Variants in TENM4 observed in about 807,000 individuals in gnomAD.
TENM4 encodes the protein teneurin-4.
Under a neutral mutation model 243.3 loss-of-function variants are expected in TENM4, and 82 were observed. The observed-to-expected ratio is 0.34, with a 90% CI of 0.28 to 0.40. The LOEUF is 0.40. Ranked by LOEUF, TENM4 falls within the 10% of genes least tolerant of loss-of-function variation. TENM4 has a pLI of 1.00. For missense variants in TENM4, 3,138 were observed against 3,673.3 expected (o/e 0.85, Z 3.77); for synonymous variants, 1,412 against 1,456.3 (o/e 0.97, Z 0.69).
At position 78,661,423 on chromosome 11, in the gene TENM4, G is replaced by A. The variant is rs370376552; in HGVS notation, c.7551+26C>T. The A allele has an allele frequency of 1.4e-5, 22 of 1,597,688 alleles. No individual in the cohort carries two copies. In the African/African-American group the frequency reaches 2.1e-4, roughly 16 times the overall value. Reference sequence around the variant, plus strand: ...TCCAGTAATGTCTGAGTGGCCTGAGGAGTGGCAGCCTTGTGCAGGAATTAC... The same window carrying A: ...TCCAGTAATGTCTGAGTGGCCTGAGAAGTGGCAGCCTTGTGCAGGAATTAC... On this transcript the variant is annotated intron_variant, in intron 33 of 33. Transcript: ENST00000278550.
chr11:78,742,511 G>A (rs573684112), intron 19 of TENM4, among the ~76,000 whole-genome samples: 2 of 152,268 alleles, frequency 1.3e-5, no homozygotes, highest in African/African-American at 2.4e-5. Flanking sequence ...TAAAGCCAAC[G>A]TGAAATGCCC....
intron 12 of TENM4, among the ~76,000 whole-genome samples, chr11:78,819,492 C>G (rs1370293340): frequency 6.6e-6 from 1 of 152,114 alleles, no homozygotes; most frequent in African/African-American, 2.4e-5. Context: ...CTCACAGGGG[C>G]AGTAATATCA....
At chr11:79,413,175 T>C (rs1339489795) in intron 1 of TENM4, among the ~76,000 whole-genome samples, 1 of 151,898 alleles carries the variant, frequency 6.6e-6, no homozygotes, top group African/African-American at 2.4e-5. Flanking sequence ...GAAGTCAGAG[T>C]AAAAACACAC....
At chr11:79,324,681 T>A (rs1856945237) in intron 1 of TENM4, among the ~76,000 whole-genome samples, 1 of 152,156 alleles carries the variant, frequency 6.6e-6, no homozygotes, top group Admixed American at 6.5e-5. Context: ...TGTAGATGTA[T>A]ATATAGATAT....
intron 19 of TENM4, among the ~76,000 whole-genome samples, chr11:78,743,362 G>A (rs912646780): frequency 6.6e-6 from 1 of 152,146 alleles, no homozygotes; most frequent in African/African-American, 2.4e-5. Context: ...CATTGATCAC[G>A]GTTGATGGTC....
chr11:79,160,872 G>A (rs1862730673), intron 3 of TENM4, among the ~76,000 whole-genome samples: 1 of 152,120 alleles, frequency 6.6e-6, no homozygotes, highest in South Asian at 2.1e-4. Context: ...AGATTTCCCG[G>A]ATTCCCTTGC....
intron 1 of TENM4, among the ~76,000 whole-genome samples, chr11:79,321,594 C>T (rs1235518170): frequency 1.4e-5 from 2 of 142,324 alleles, no homozygotes; most frequent in Admixed American, 1.5e-4. Context: ...TCAAACAACT[C>T]GTCACTGGGT....
chr11:79,007,029 T>C (rs768964379), intron 6 of TENM4, among the ~76,000 whole-genome samples: 6 of 152,190 alleles, frequency 3.9e-5, no homozygotes, highest in Non-Finnish European at 8.8e-5. Flanking sequence ...GAGGAAACCC[T>C]GCAGCAGATG....
intron 6 of TENM4, among the ~76,000 whole-genome samples, chr11:78,952,482 C>A (rs909782017): frequency 3.9e-5 from 6 of 152,154 alleles, no homozygotes; most frequent in African/African-American, 1.4e-4. Context: ...AAGGGAGAGA[C>A]AGGGGCAGGG....
chr11:79,149,172 T>C (rs1004740948), intron 3 of TENM4, among the ~76,000 whole-genome samples: 3 of 152,078 alleles, frequency 2.0e-5, no homozygotes, highest in African/African-American at 7.2e-5. Context: ...GTACTGGGCA[T>C]ATAATGGAAA....
chr11:78,809,193 G>C (rs936270975), intron 14 of TENM4, among the ~76,000 whole-genome samples: 1 of 152,154 alleles, frequency 6.6e-6, no homozygotes, highest in Non-Finnish European at 1.5e-5. Flanking sequence ...TTAGGAACCA[G>C]CAAAGTGAAT....
intron 15 of TENM4, among the ~76,000 whole-genome samples, chr11:78,800,350 T>C (rs1044844948): frequency 3.3e-5 from 5 of 152,184 alleles, no homozygotes; most frequent in African/African-American, 1.2e-4. Flanking sequence ...ATGCCAGCTC[T>C]TGTCCAGGAG....
At chr11:78,726,372 T>A in intron 22 of TENM4, 150 bp from the exon 23 acceptor site, 3 of 907,976 alleles carry the variant, frequency 3.3e-6, no homozygotes, top group Non-Finnish European at 4.8e-6. Context: ...TGTGAAACAC[T>A]AACACAAGGT....
chr11:79,213,737 G>A (rs1331358764), intron 3 of TENM4, among the ~76,000 whole-genome samples: 1 of 152,176 alleles, frequency 6.6e-6, no homozygotes, highest in Non-Finnish European at 1.5e-5. Flanking sequence ...TTTAGATGGG[G>A]TGGAGGTCTA....
chr11:79,255,922 T>C (rs962709054), intron 2 of TENM4, among the ~76,000 whole-genome samples: 2 of 152,192 alleles, frequency 1.3e-5, no homozygotes, highest in African/African-American at 4.8e-5. Context: ...GGACAGTCTT[T>C]GCTCCTCCAG....
At chr11:79,166,954 G>A (rs1862928157) in intron 3 of TENM4, among the ~76,000 whole-genome samples, 1 of 152,224 alleles carries the variant, frequency 6.6e-6, no homozygotes. Flanking sequence ...AAGCAGGGGA[G>A]TGGAGGGTGG....
chr11:79,043,215 A>C (rs1470521151), intron 6 of TENM4, among the ~76,000 whole-genome samples: 1 of 152,092 alleles, frequency 6.6e-6, no homozygotes, highest in African/African-American at 2.4e-5. Flanking sequence ...AGATGGAAAC[A>C]CCTCAGAGGA....
At chr11:78,771,517 T>A (rs560835991) in intron 17 of TENM4, among the ~76,000 whole-genome samples, 10 of 152,356 alleles carry the variant, frequency 6.6e-5, no homozygotes, top group African/African-American at 2.4e-4. Flanking sequence ...TTCATTCTCA[T>A]GTGTTCCTCT....
At chr11:78,943,360 G>T (rs1315342139) in intron 6 of TENM4, among the ~76,000 whole-genome samples, 1 of 152,216 alleles carries the variant, frequency 6.6e-6, no homozygotes. Context: ...AGGACGCCTT[G>T]GTGTGGGGGC....
Sources: gnomAD v4.1 joint callset for allele counts (sites outside exome capture counted in the v4.1 genomes callset) on GRCh38, gnomAD v4.1.1 for gene constraint, MANE v1.5 for transcripts, NCBI Gene and HGNC (gene_info 2026-07-23, HGNC 2026-07-21) for gene names.